The following LIMK1 variants were observed in gnomAD, a reference collection of about 807,000 sequenced individuals.
LIMK1 encodes LIM motif-containing protein kinase.
LIMK1 carries 21 observed loss-of-function variants against 77.6 expected under a neutral mutation model. That is an observed-to-expected ratio of 0.27 (90% CI 0.19 to 0.39). The LOEUF is 0.39. Among genes scored for constraint, LIMK1 ranks in the 10% least tolerant of loss-of-function variants. The pLI, the probability that LIMK1 is intolerant of heterozygous loss-of-function variation, is 1.00. For synonymous variants in LIMK1, 358 were observed against 370.0 expected (o/e 0.97, Z 0.37); for missense variants, 696 against 901.6 (o/e 0.77, Z 2.92).
At chr7:74,096,970 G>A in intron 3 of LIMK1, 110 bp from the exon 4 acceptor site, 1 of 1,048,236 alleles carries the variant, frequency 9.5e-7, no homozygotes, top group Non-Finnish European at 1.4e-6. Context: ...GGCCAGCCGG[G>A]TCCCTGCAGT....
intron 5 of LIMK1, among the ~76,000 whole-genome samples, chr7:74,105,665 C>T (rs982077843): frequency 6.6e-6 from 1 of 152,174 alleles, no homozygotes; most frequent in Non-Finnish European, 1.5e-5. Flanking sequence ...CCACCTTTCT[C>T]CAGCTCACAC....
At chr7:74,119,358 T>C (rs548946673) in intron 13 of LIMK1, among the ~76,000 whole-genome samples, 6 of 148,890 alleles carry the variant, frequency 4.0e-5, no homozygotes, top group African/African-American at 1.5e-4. Context: ...TTTCTATTTT[T>C]AGTAGAGATG....
In LIMK1 at chr7:74,099,066, G is replaced by A. The variant is rs544200500; in HGVS notation, c.436G>A (p.Val146Ile). Residue 146 changes from valine (V) to isoleucine (I), a missense_variant, in exon 5 of 16, where the codon GTC becomes ATC. Transcript: ENST00000336180. ...HCYYQTVVTP[V>I]IEQILPDSPG... ...CTACTACCAGACTGTGGTGACCCCC[G>A]TCATCGAGCAGATCCTGCCTGACTC... is the stretch of plus-strand genomic sequence containing the variant. 5.6e-6 allele frequency: 9 copies of A among 1,612,912 alleles called. No homozygotes were observed. Among genetic ancestry groups the A allele is most frequent in the Admixed American group, 5.0e-5 (3 of 60,006 alleles).
At chr7:74,106,434 CAAAA>C (rs201984559) in intron 7 of LIMK1, among the ~76,000 whole-genome samples, 191 bp downstream of exon 7, 2 of 150,676 alleles carry the variant, frequency 1.3e-5, no homozygotes, top group Non-Finnish European at 3.0e-5. Flanking sequence ...GACCCACTCT[CAAAA>C]AAAAAGAGGA....
At position 74,096,771 on chromosome 7, in the gene LIMK1, C is replaced by T. The variant is rs369784932; in HGVS notation, c.291+11C>T. ...AAGGGACTGGTTATGGTGAGCGCCC[C>T]CTGCCTTGCACACTCACCTGGGGTG... On this transcript the variant is annotated intron_variant, in intron 3 of 15. Coordinates refer to ENST00000336180, the MANE Select transcript of LIMK1 (RefSeq NM_002314.4). 21 of 1,583,976 alleles carry T rather than the reference C, an allele frequency of 1.3e-5. No individual in the cohort carries two copies. The highest frequency in any genetic ancestry group is 1.8e-5 in the Non-Finnish European group (21 of 1,162,112).
At chr7:74,105,764 G>C in intron 5 of LIMK1, 111 bp from the exon 6 acceptor site, 1 of 684,356 alleles carries the variant, frequency 1.5e-6, no homozygotes, top group South Asian at 1.8e-5. Flanking sequence ...CCAGTCACAC[G>C]AAGTAGAATC....
chr7:74,100,739 CTT>C (rs1184313437), intron 5 of LIMK1, among the ~76,000 whole-genome samples: 2 of 133,304 alleles, frequency 1.5e-5, no homozygotes, highest in African/African-American at 2.8e-5. Context: ...TTCTCTCTCT[CTT>C]TTTTTTTTTT....
intron 8 of LIMK1, among the ~76,000 whole-genome samples, chr7:74,107,465 G>A (rs1207020451): frequency 1.3e-5 from 2 of 152,148 alleles, no homozygotes; most frequent in African/African-American, 4.8e-5. Flanking sequence ...AGAGGCTAAG[G>A]CTGTAGGATC....
chr7:74,105,513 CA>C (rs201143839), intron 5 of LIMK1, among the ~76,000 whole-genome samples: 5,630 of 93,662 alleles, frequency 0.06, 100 homozygotes, highest in Middle Eastern at 0.12. Context: ...ATTCTGTCTC[CA>C]AAAAAAAAAA....
rs782775113 is a variant in LIMK1, at chr7:74,099,239, G to T, written c.608+1G>T. On this transcript the variant is annotated splice_donor_variant, in intron 5 of 15. Coordinates refer to ENST00000336180, the MANE Select transcript of LIMK1 (RefSeq NM_002314.4). LOFTEE classifies it high-confidence loss of function. ...ACTCACACACCGTCCGCGTCCAGGG[G>T]TGAGTGGCCGGCCTGCCGAGGCTGC... 1 of 1,602,324 alleles carries T rather than the reference G, an allele frequency of 6.2e-7. No individual in the cohort carries two copies. The highest frequency in any genetic ancestry group is 8.5e-7 in the Non-Finnish European group (1 of 1,179,364).
At chr7:74,095,368 G>A (rs547981325) in intron 2 of LIMK1, among the ~76,000 whole-genome samples, 1 of 152,284 alleles carries the variant, frequency 6.6e-6, no homozygotes, top group East Asian at 1.9e-4. Flanking sequence ...ACCCAGGGGG[G>A]CACATGTGTG....
At chr7:74,114,943 G>A (rs1248536938) in intron 12 of LIMK1, among the ~76,000 whole-genome samples, 1 of 151,812 alleles carries the variant, frequency 6.6e-6, no homozygotes, top group African/African-American at 2.4e-5. Flanking sequence ...ATAAAATTGG[G>A]CCAGGTATGG....
At chr7:74,120,726 C>T in intron 14 of LIMK1, 88 bp downstream of exon 14, 3 of 1,558,836 alleles carry the variant, frequency 1.9e-6, no homozygotes, top group East Asian at 2.2e-5. Context: ...GCAGGGGCCT[C>T]ATGCCAGGAA....
At chr7:74,089,954 C>T (rs1799206172) in intron 2 of LIMK1, among the ~76,000 whole-genome samples, 1 of 152,096 alleles carries the variant, frequency 6.6e-6, no homozygotes, top group African/African-American at 2.4e-5. Flanking sequence ...GGAGGGAAGC[C>T]GTGTTACAGG....
chr7:74,100,713 G>A (rs574964494), intron 5 of LIMK1, among the ~76,000 whole-genome samples: 64 of 151,410 alleles, frequency 4.2e-4, no homozygotes, highest in Non-Finnish European at 7.7e-4. Context: ...CACCGTGCCC[G>A]GCCCAAGTGC....
In LIMK1 at chr7:74,085,831, G is replaced by T. The variant is rs370710652; in HGVS notation, c.139G>T (p.Ala47Ser). The T allele has an allele frequency of 6.4e-7, 1 of 1,554,696 alleles. No homozygotes were observed. Among genetic ancestry groups the T allele is most frequent in the Non-Finnish European group, 8.7e-7 (1 of 1,149,334 alleles). Reference protein sequence around the residue: ...YLQALNADWHADCFRCCDCSA... With the variant: ...YLQALNADWHSDCFRCCDCSA... Reference sequence around the variant, plus strand: ...CCAGGCCCTGAACGCGGACTGGCACGCAGACTGCTTCAGGTAGGGTGGGGT... The same window carrying T: ...CCAGGCCCTGAACGCGGACTGGCACTCAGACTGCTTCAGGTAGGGTGGGGT... The change falls in exon 2 of 16, where the codon GCA (alanine) becomes TCA (serine). Residue 47 changes from alanine to serine, a missense_variant. Around this residue, in one of 3 missense-constraint regions of LIMK1, gnomAD observed 252 missense variants for 279.4 expected, o/e 0.90. Coordinates refer to ENST00000336180, the MANE Select transcript of LIMK1 (RefSeq NM_002314.4).
chr7:74,109,179 A>G, intron 10 of LIMK1, 143 bp downstream of exon 10: 1 of 692,714 alleles, frequency 1.4e-6, no homozygotes, highest in Non-Finnish European at 2.6e-6. Flanking sequence ...CTAATCAAAA[A>G]GGGGAGCGAC....
In LIMK1 at chr7:74,097,903, G is replaced by A. The variant is rs551605590; in HGVS notation, c.401+714G>A. On this transcript the variant is annotated intron_variant, in intron 4 of 15. Transcript: ENST00000336180. ...TCCCAAGACCCTGCCAAGTTTGATC[G>A]TTTGCTAACAGACTCACAGAACTCA... Among the ~76,000 whole-genome samples, 6 of 152,272 alleles carry A rather than the reference G, an allele frequency of 3.9e-5. No homozygotes were observed. In the East Asian group the frequency reaches 7.7e-4, roughly 20 times the overall value.
Position 74,121,329 on chromosome 7 carries a change from C to T in LIMK1, c.*28C>T. 6.5e-7 allele frequency: 1 copy of T among 1,542,076 alleles called. No homozygotes were observed. The highest frequency in any genetic ancestry group is 8.7e-7 in the Non-Finnish European group (1 of 1,146,518). ...CAGGGCCACTCAGCTGCCCCTGTCC[C>T]CACCTCTGGAGAATCCACCCCCACC... On this transcript the variant is annotated 3_prime_UTR_variant, in exon 16 of 16. Coordinates refer to ENST00000336180, the MANE Select transcript of LIMK1 (RefSeq NM_002314.4).
Sources: gnomAD v4.1 joint callset for allele counts (sites outside exome capture counted in the v4.1 genomes callset) on GRCh38, gnomAD v4.1.1 for gene constraint, gnomAD v4.1.1 regional missense constraint, MANE v1.5 for transcripts, NCBI Gene and HGNC (gene_info 2026-07-23, HGNC 2026-07-21) for gene names.